The following PAN2 variants were observed in gnomAD, a reference collection of about 807,000 sequenced individuals.
PAN2 encodes the protein PAN2-PAN3 deadenylation complex catalytic subunit PAN2.
Under a neutral mutation model 133.3 loss-of-function variants are expected in PAN2, and 68 were observed. The ratio of observed to expected loss-of-function variants is 0.51; its 90% CI spans 0.42 to 0.62. PAN2 has a LOEUF of 0.62. Among genes scored for constraint, PAN2 ranks in the 20% least tolerant of loss-of-function variants. The pLI is 0.00. For synonymous variants in PAN2, 462 were observed against 544.6 expected (o/e 0.85, Z 2.11); for missense variants, 1,042 against 1,500.5 (o/e 0.69, Z 5.05).
chr12:56,333,348 A>T, intron 1 of PAN2, 140 bp from the exon 2 acceptor site: 13 of 460,728 alleles, frequency 2.8e-5, no homozygotes, highest in East Asian at 3.9e-5. Flanking sequence ...CAGGCGGGGG[A>T]GGGATGGGCA....
intron 4 of PAN2, 63 bp from the exon 5 acceptor site, chr12:56,328,135 G>A: frequency 6.2e-7 from 1 of 1,608,762 alleles, no homozygotes; most frequent in South Asian, 1.1e-5. Flanking sequence ...CAAGGGAACA[G>A]AAAGGTCACA....
chr12:56,327,046 C>G, intron 6 of PAN2, 87 bp from the exon 7 acceptor site: 1 of 1,163,504 alleles, frequency 8.6e-7, no homozygotes, highest in Non-Finnish European at 1.2e-6. Context: ...CCCCTGATTT[C>G]AGGACAAGAT....
At chr12:56,328,681 G>C (rs778465761) in intron 2 of PAN2, 40 bp from the exon 3 acceptor site, 1 of 1,568,624 alleles carries the variant, frequency 6.4e-7, no homozygotes, top group African/African-American at 1.3e-5. Flanking sequence ...TAGAGTGGAG[G>C]GGCAAGGGCC....
chr12:56,318,462 G>C (rs1040649400), intron 24 of PAN2, 28 bp from the exon 25 acceptor site: 1 of 1,585,656 alleles, frequency 6.3e-7, no homozygotes, highest in African/African-American at 1.3e-5. Flanking sequence ...GGAATAGTTT[G>C]GGACCCAGCA....
chr12:56,326,374 G>A lies in PAN2; in HGVS notation c.1298C>T (p.Thr433Ile), dbSNP rs527776401. 113 of 1,603,000 alleles carry A rather than the reference G, an allele frequency of 7.0e-5. No individual in the cohort carries two copies. Among genetic ancestry groups the A allele is most frequent in the Non-Finnish European group, 8.0e-5 (94 of 1,173,014 alleles). ...APPVDAEILR[T>I]MKKVGFIGYA... ...GCCAATGAAGCCCACCTTCTTCATG[G>A]TGCGCAGAATCTCTGCATCCACGGG... Residue 433 changes from threonine to isoleucine, a missense_variant, in exon 8 of 26, where the codon ACC becomes ATC. Thr to Ile is a moderately conservative substitution (Grantham distance 89). Around this residue, in one of 3 missense-constraint regions of PAN2, gnomAD observed 908 missense variants for 1,223.5 expected, o/e 0.74. Transcript: ENST00000440411.
Position 56,333,193 on chromosome 12 carries a change from G to T in PAN2, c.-99C>A. ...CAGCAAGACAGCACCGATGGGCCTA[G>T]AATGGACATCCTGGCCTGTAAGGGG... On this transcript the variant is annotated 5_prime_UTR_variant, in exon 2 of 26. Transcript: ENST00000440411. The T allele has an allele frequency of 7.9e-7, 1 of 1,271,156 alleles. No individual in the cohort carries two copies. Among genetic ancestry groups the T allele is most frequent in the Non-Finnish European group, 1.1e-6 (1 of 897,006 alleles). The allele number at this position is 1,271,156 out of a possible 1,614,324, so 78.7% of individuals were successfully genotyped here.
intron 2 of PAN2, among the ~76,000 whole-genome samples, chr12:56,330,357 T>C (rs1451096968): frequency 2.1e-5 from 2 of 96,162 alleles, no homozygotes; most frequent in Non-Finnish European, 4.4e-5. Flanking sequence ...ATTTTTCTTT[T>C]TTTTTTTTTT....
chr12:56,324,679 G>C lies in PAN2; in HGVS notation c.1630C>G (p.Leu544Val). Residue 544 changes from leucine to valine, a missense_variant, in exon 11 of 26, where the codon CTA becomes GTA. Coordinates refer to ENST00000440411, the MANE Select transcript of PAN2 (RefSeq NM_014871.6). ...TTCTGGCAAAGGTGGTTTTGAATTA[G>C]ACAGCGTACAGGCTCCAGGAAATAG... ...VLYFLEPVRC[L>V]IQNHLCQKEF... The C allele has an allele frequency of 6.2e-7, 1 of 1,614,134 alleles. No homozygotes were observed. Among genetic ancestry groups the C allele is most frequent in the East Asian group, 2.2e-5 (1 of 44,886 alleles).
At chr12:56,322,517 A>T in intron 18 of PAN2, 35 bp from the exon 19 acceptor site, 2 of 1,611,818 alleles carry the variant, frequency 1.2e-6, no homozygotes, top group Non-Finnish European at 1.7e-6. Flanking sequence ...TGGCGATACA[A>T]ATTGATGGCT....
At position 56,328,247 on chromosome 12, in the gene PAN2, CTCCTGGACAGTGTTAAGATCAA is replaced by C; in HGVS notation, c.542_563del (p.Ile181ArgfsTer7). 1 of 1,596,696 alleles carries C rather than the reference CTCCTGGACAGTGTTAAGATCAA, an allele frequency of 6.3e-7. No homozygotes were observed. The highest frequency in any genetic ancestry group is 8.5e-7 in the Non-Finnish European group (1 of 1,171,056). ...TGCCCCAAGCTTGTACCTTCTGAGTCTCCTGGACAGTGTTAAGATCAATCTCTATTATGTGATTCTGCAGCCC... is the reference window on the plus strand; with the variant it reads ...TGCCCCAAGCTTGTACCTTCTGAGTCTCTCTATTATGTGATTCTGCAGCCC... On this transcript the variant is annotated frameshift_variant, in exon 4 of 26. Transcript: ENST00000440411. LOFTEE classifies it high-confidence loss of function.
intron 14 of PAN2, 82 bp downstream of exon 14, chr12:56,323,725 G>T: frequency 7.0e-7 from 1 of 1,428,604 alleles, no homozygotes; most frequent in South Asian, 1.2e-5. Flanking sequence ...TGGCAGTGCT[G>T]ACAGAGCCAG....
intron 20 of PAN2, among the ~76,000 whole-genome samples, chr12:56,321,647 G>A (rs1041533486): frequency 2.0e-5 from 3 of 150,780 alleles, no homozygotes; most frequent in Non-Finnish European, 3.0e-5. Flanking sequence ...TCAGGAGTTC[G>A]AGGCCAGCCT....
Position 56,326,873 on chromosome 12 carries a change from A to G in PAN2, c.1006T>C (p.Phe336Leu). Residue 336 changes from phenylalanine (F) to leucine (L), a missense_variant, in exon 7 of 26, where the codon TTT (phenylalanine) becomes CTT (leucine). Physicochemically the swap from Phe to Leu is conservative, Grantham distance 22 (BLOSUM62 0). This residue lies in a region of PAN2 where 908 missense variants were observed against 1,223.5 expected (regional missense o/e 0.74). Coordinates refer to ENST00000440411, the MANE Select transcript of PAN2 (RefSeq NM_014871.6). ...VNPVGPLLMTFDVSASKQALA... is the reference protein window; with the variant it reads ...VNPVGPLLMTLDVSASKQALA... ...GCCTGCTTGCTGGCTGACACATCAA[A>G]TGTCATTAGCAGAGGCCCCACAGGA... 1 of 1,614,210 alleles carries G rather than the reference A, an allele frequency of 6.2e-7. No individual in the cohort carries two copies. Among genetic ancestry groups the G allele is most frequent in the Non-Finnish European group, 8.5e-7 (1 of 1,180,028 alleles).
At position 56,319,795 on chromosome 12, in the gene PAN2, A is replaced by G. The variant is rs1874277719; in HGVS notation, c.2947-31T>C. 6.2e-7 allele frequency: 1 copy of G among 1,612,436 alleles called. No individual in the cohort carries two copies. Among genetic ancestry groups the G allele is most frequent in the Non-Finnish European group, 8.5e-7 (1 of 1,179,094 alleles). ...TGAGAAGAGTTAATAAGGAAATCAGAGAAATGCTTACAACTCCTAATATCC... is the reference window on the plus strand; with the variant it reads ...TGAGAAGAGTTAATAAGGAAATCAGGGAAATGCTTACAACTCCTAATATCC... On this transcript the variant is annotated intron_variant, in intron 21 of 25. Coordinates refer to ENST00000440411, the MANE Select transcript of PAN2 (RefSeq NM_014871.6). The surrounding 1 kb of genome is among the most constrained non-coding windows in gnomAD (Gnocchi z 5.4).
chr12:56,318,488 A>G (rs1874147803), intron 24 of PAN2, 54 bp from the exon 25 acceptor site: 4 of 1,381,326 alleles, frequency 2.9e-6, no homozygotes, highest in Non-Finnish European at 3.1e-6. Context: ...AGGTAGGAAC[A>G]TGTCTCCCCA....
At chr12:56,324,545 C>T in intron 11 of PAN2, 36 bp downstream of exon 11, 1 of 1,612,274 alleles carries the variant, frequency 6.2e-7, no homozygotes, top group South Asian at 1.1e-5. Context: ...GTCCACCTTC[C>T]TTCCCCTTCC....
intron 17 of PAN2, 117 bp downstream of exon 17, chr12:56,322,945 C>T: frequency 7.3e-7 from 1 of 1,367,050 alleles, no homozygotes; most frequent in Non-Finnish European, 1.0e-6. Context: ...CAGGTAAATA[C>T]TAGGCCTTAT....
rs1875245407 is a variant in PAN2, at chr12:56,327,429, A to G, written c.854T>C (p.Val285Ala). ...MRAITPLQVH[V>A]DPAFLRFIPT... ...AATGAAGCGCAAGAAGGCAGGATCC[A>G]CATGTACTTGAAGTGGTGTGATGGC... Residue 285 changes from valine to alanine, a missense_variant, in exon 6 of 26, where the codon GTG becomes GCG. Val to Ala is a moderately conservative substitution (Grantham distance 64). Transcript: ENST00000440411. 6.2e-7 allele frequency: 1 copy of G among 1,614,124 alleles called. No homozygotes were observed. Among genetic ancestry groups the G allele is most frequent in the Non-Finnish European group, 8.5e-7 (1 of 1,180,056 alleles).
rs1874994384 is a variant in PAN2 at position 56,325,317 on chromosome 12, C to T, written c.1479+18G>A. 1 of 1,613,938 alleles carries T rather than the reference C, an allele frequency of 6.2e-7. No individual in the cohort carries two copies. Among genetic ancestry groups the T allele is most frequent in the Non-Finnish European group, 8.5e-7 (1 of 1,179,888 alleles). On this transcript the variant is annotated intron_variant, in intron 9 of 25. Transcript: ENST00000440411. ...GTACCTTTCCCCACATCCCACAGGC[C>T]CTGATGTCCCCCAGCACCTTGCGGT...
Sources: allele counts gnomAD v4.1 joint callset (sites outside exome capture counted in the v4.1 genomes callset), GRCh38; gene constraint gnomAD v4.1.1; regional missense constraint gnomAD v4.1.1; non-coding constraint Gnocchi (gnomAD v3.1); transcripts MANE v1.5; gene names NCBI Gene and HGNC (gene_info 2026-07-23, HGNC 2026-07-21).